Variants in MSRA observed in about 807,000 individuals in gnomAD.
MSRA encodes the protein methionine sulfoxide reductase A.
MSRA carries 54 observed loss-of-function variants against 31.3 expected under a neutral mutation model. That is an observed-to-expected ratio of 1.73 (90% CI 1.39 to 2.17). The LOEUF is 2.17. Among genes scored for constraint, MSRA ranks in the 30% most tolerant of loss-of-function variants. The pLI, the probability that MSRA is intolerant of heterozygous loss-of-function variation, is 0.00. For missense variants in MSRA, 507 were observed against 300.9 expected, an observed-to-expected ratio of 1.69 and a Z score of -5.07; for synonymous variants, 169 against 116.5, an observed-to-expected ratio of 1.45 and a Z score of -2.90.
chr8:10,367,693 G>C (rs975338255), intron 5 of MSRA, among the ~76,000 whole-genome samples: 1 of 152,244 alleles, frequency 6.6e-6, no homozygotes, highest in African/African-American at 2.4e-5. Flanking sequence ...GAACTTGCAA[G>C]GGCTCCGATC....
intron 3 of MSRA, among the ~76,000 whole-genome samples, chr8:10,290,210 A>G (rs559895888): frequency 1.6e-4 from 24 of 152,322 alleles, no homozygotes; most frequent in Admixed American, 3.9e-4. Context: ...AGGAGTGAGC[A>G]GGTCCCAAGA....
chr8:10,151,294 G>T (rs1335382622), intron 1 of MSRA, among the ~76,000 whole-genome samples: 4 of 148,666 alleles, frequency 2.7e-5, no homozygotes, highest in Non-Finnish European at 5.9e-5. Context: ...AAAAATAAGG[G>T]CTTCCTGTAG....
chr8:10,379,201 C>G lies in MSRA; in HGVS notation c.544-48947C>G, dbSNP rs540470308. Reference sequence around the variant, plus strand: ...CACTTTCCATTTTTGGAAAAGTCACCTGTCTGCCCAGGGAAAGTCACCTTT... The same window carrying G: ...CACTTTCCATTTTTGGAAAAGTCACGTGTCTGCCCAGGGAAAGTCACCTTT... On this transcript the variant is annotated intron_variant, in intron 5 of 5. Transcript: ENST00000317173. Among the ~76,000 whole-genome samples the G allele has an allele frequency of 3.3e-3, 495 of 152,268 alleles. 4 individuals are homozygous for G. The highest frequency in any genetic ancestry group is 0.011 in the African/African-American group (442 of 41,550).
intron 1 of MSRA, among the ~76,000 whole-genome samples, chr8:10,130,652 A>G (rs1281392934): frequency 2.0e-5 from 3 of 152,174 alleles, no homozygotes; most frequent in Non-Finnish European, 4.4e-5. Flanking sequence ...GCGATTTTGG[A>G]GGGCCCTTTT....
chr8:10,147,247 G>A (rs1419025154), intron 1 of MSRA, among the ~76,000 whole-genome samples: 1 of 152,152 alleles, frequency 6.6e-6, no homozygotes, highest in Admixed American at 6.5e-5. Flanking sequence ...TGTTGCATGT[G>A]TTGGATTCAA....
chr8:10,363,399 T>G (rs1178286069), intron 5 of MSRA, among the ~76,000 whole-genome samples: 1 of 152,074 alleles, frequency 6.6e-6, no homozygotes, highest in African/African-American at 2.4e-5. Flanking sequence ...TCAGACTGGG[T>G]GGGGACCTCC....
At position 10,054,676 on chromosome 8, in the gene MSRA, G is replaced by A. The variant is rs771459961; in HGVS notation, c.142+18G>A. ...TGTAGCGGGTAAGCACTGGCCACAC[G>A]GAAGGCGCGGGCGGCGACGCTGCGC... is the stretch of plus-strand genomic sequence containing the variant. On this transcript the variant is annotated intron_variant, in intron 1 of 5. Coordinates refer to ENST00000317173, the MANE Select transcript of MSRA (RefSeq NM_012331.5). 12 of 1,495,994 alleles carry A rather than the reference G, an allele frequency of 8.0e-6. No individual in the cohort carries two copies. The highest frequency in any genetic ancestry group is 7.2e-6 in the Non-Finnish European group (8 of 1,115,646). The allele number at this position is 1,495,994 out of a possible 1,614,324, so 92.7% of individuals were successfully genotyped here. A position where few individuals can be genotyped will look rare whatever the true frequency, so the allele number is the denominator to read the frequency against.
At chr8:10,207,596 G>A (rs1384306413) in intron 1 of MSRA, among the ~76,000 whole-genome samples, 2 of 152,110 alleles carry the variant, frequency 1.3e-5, no homozygotes, top group Admixed American at 1.3e-4. Flanking sequence ...GTCCAGCTCT[G>A]CACAAGCTCA....
intron 1 of MSRA, among the ~76,000 whole-genome samples, chr8:10,078,399 G>A (rs1157085573): frequency 6.6e-6 from 1 of 152,236 alleles, no homozygotes; most frequent in South Asian, 2.1e-4. Flanking sequence ...ATGGAGGTGG[G>A]TCCTGTAGGC....
At chr8:10,117,858 T>A (rs1018961007) in intron 1 of MSRA, among the ~76,000 whole-genome samples, 3 of 152,216 alleles carry the variant, frequency 2.0e-5, no homozygotes, top group Non-Finnish European at 4.4e-5. Flanking sequence ...AATCCCTGAT[T>A]ACTGTGATGA....
At chr8:10,316,420 G>T (rs1801716370) in intron 4 of MSRA, among the ~76,000 whole-genome samples, 1 of 151,634 alleles carries the variant, frequency 6.6e-6, no homozygotes, top group Non-Finnish European at 1.5e-5. Flanking sequence ...CAGGGATATG[G>T]GTTTACTAAT....
intron 5 of MSRA, among the ~76,000 whole-genome samples, chr8:10,413,550 A>G (rs1227576376): frequency 6.6e-6 from 1 of 152,212 alleles, no homozygotes; most frequent in African/African-American, 2.4e-5. Context: ...CAAAGACTTT[A>G]AATCTGCTGT....
chr8:10,296,251 C>T (rs1264603166), intron 3 of MSRA, among the ~76,000 whole-genome samples: 3 of 152,152 alleles, frequency 2.0e-5, no homozygotes, highest in Non-Finnish European at 4.4e-5. Context: ...AGATAAAATT[C>T]AGTTTGATAA....
chr8:10,427,610 T>A (rs1456857266), intron 5 of MSRA, among the ~76,000 whole-genome samples: 1 of 152,168 alleles, frequency 6.6e-6, no homozygotes, highest in Non-Finnish European at 1.5e-5. Flanking sequence ...ACTCTGTCTA[T>A]CCTGGGAGTG....
chr8:10,402,484 C>T (rs1159312449), intron 5 of MSRA, among the ~76,000 whole-genome samples: 3 of 152,378 alleles, frequency 2.0e-5, no homozygotes, highest in African/African-American at 7.2e-5. Context: ...CCTGAGGCTG[C>T]ATTTTGTGCA....
intron 5 of MSRA, among the ~76,000 whole-genome samples, chr8:10,369,853 C>T (rs1420511212): frequency 1.3e-5 from 2 of 152,142 alleles, no homozygotes; most frequent in South Asian, 4.1e-4. Context: ...AGTTTCAAAG[C>T]ACTATTATAT....
chr8:10,329,418 C>T (rs1488513829), intron 5 of MSRA, among the ~76,000 whole-genome samples: 8 of 152,206 alleles, frequency 5.3e-5, no homozygotes, highest in Non-Finnish European at 1.2e-4. Context: ...TCATCCTCTT[C>T]TGGGCATCTG....
chr8:10,315,256 CA>C (rs1313544129), intron 4 of MSRA, among the ~76,000 whole-genome samples: 1 of 152,180 alleles, frequency 6.6e-6, no homozygotes, highest in East Asian at 1.9e-4. Flanking sequence ...ACAGTCAAAC[CA>C]TATCACAGGC....
In MSRA at chr8:10,285,472, C is replaced by T. The variant is rs146958597; in HGVS notation, c.332-16062C>T. Among the ~76,000 whole-genome samples, 14 of 152,170 alleles carry T rather than the reference C, an allele frequency of 9.2e-5. No homozygotes were observed. The East Asian group carries it at 1.9e-3, about 21-fold the overall frequency. On this transcript the variant is annotated intron_variant, in intron 3 of 5. Coordinates refer to ENST00000317173, the MANE Select transcript of MSRA (RefSeq NM_012331.5). ...TAATTAGCATATCCATCACCTCAGACGTTTATCATTTCTTTGTGTTGGGAA... is the reference window on the plus strand; with the variant it reads ...TAATTAGCATATCCATCACCTCAGATGTTTATCATTTCTTTGTGTTGGGAA...
Sources: gnomAD v4.1 joint callset for allele counts (sites outside exome capture counted in the v4.1 genomes callset) on GRCh38, gnomAD v4.1.1 for gene constraint, MANE v1.5 for transcripts, NCBI Gene and HGNC (gene_info 2026-07-23, HGNC 2026-07-21) for gene names.